The following PPEF1 variants were observed in gnomAD, a reference collection of about 807,000 sequenced individuals.
PPEF1 encodes protein phosphatase with EF-hand domain 1.
PPEF1 carries 12 observed loss-of-function variants against 53.3 expected under a neutral mutation model. That is an observed-to-expected ratio of 0.23 (90% confidence interval 0.14 to 0.36). The LOEUF (loss-of-function observed/expected upper bound fraction) is 0.36. PPEF1 is among the 10% of genes least tolerant of loss of function. The pLI, the probability that PPEF1 is intolerant of heterozygous loss-of-function variation, is 1.00. For synonymous variants in PPEF1, 165 were observed against 176.7 expected (o/e 0.93, Z 0.52); for missense variants, 334 against 490.4 (o/e 0.68, Z 3.01).
chrX:18,793,856 G>A (rs1274531510), intron 10 of PPEF1, among the ~76,000 whole-genome samples: 1 of 111,394 alleles, frequency 9.0e-6, no homozygotes, highest in Non-Finnish European at 1.9e-5. Context: ...GTTTAGTGAA[G>A]TCTATTCCCC....
chrX:18,718,667 A>G (rs988432205), intron 1 of PPEF1, among the ~76,000 whole-genome samples: 7 of 111,992 alleles, frequency 6.3e-5, no homozygotes, highest in African/African-American at 1.3e-4. Flanking sequence ...TGTTTAAATG[A>G]TTTTTACTGG....
intron 4 of PPEF1, among the ~76,000 whole-genome samples, chrX:18,693,909 C>CCAT (rs1929560765): frequency 8.9e-6 from 1 of 111,947 alleles, no homozygotes; most frequent in Admixed American, 9.5e-5. Flanking sequence ...AGCATAACCA[C>CCAT]CATCATCATC....
upstream of PPEF1, among the ~76,000 whole-genome samples, chrX:18,706,915 G>A (rs1171761245): frequency 2.4e-5 from 2 of 85,027 alleles, no homozygotes; most frequent in African/African-American, 4.5e-5. Flanking sequence ...TGCAACCTCC[G>A]CCTCCTGGGT....
At chrX:18,810,588 T>C (rs1349901711) in intron 12 of PPEF1, among the ~76,000 whole-genome samples, 1 of 112,368 alleles carries the variant, frequency 8.9e-6, no homozygotes, top group Non-Finnish European at 1.9e-5. Flanking sequence ...CTCTATGGAT[T>C]TGCCTATTCT....
intron 13 of PPEF1, among the ~76,000 whole-genome samples, chrX:18,821,233 A>C (rs979888508): frequency 1.8e-5 from 2 of 109,594 alleles, no homozygotes; most frequent in African/African-American, 3.3e-5. Flanking sequence ...AAAAAAAAAA[A>C]AAAAAAAGAA....
Position 18,711,754 on chromosome X carries a change from C to CTT in PPEF1, c.46+3944_46+3945dup, listed in dbSNP as rs536021892. On this transcript the variant is annotated intron_variant, in intron 1 of 15. Transcript: ENST00000470157. ...AGTACCAGTGTCTGGATTACTATAG[C>CTT]TTTTTTTTTTTTTTTTTGAGACGGA... Among the ~76,000 whole-genome samples the CTT allele has an allele frequency of 4.5e-3, 404 of 89,153 alleles. 5 individuals are homozygous for CTT. The highest frequency in any genetic ancestry group is 0.013 in the African/African-American group (299 of 23,784). The allele number at this position is 89,153 out of a possible 115,157, so 77.4% of individuals were successfully genotyped here.
intron 6 of PPEF1, among the ~76,000 whole-genome samples, chrX:18,775,006 C>A (rs2147560313): frequency 9.1e-6 from 1 of 110,282 alleles, no homozygotes; most frequent in South Asian, 3.8e-4. Flanking sequence ...TTCATCTGTT[C>A]CTTTTTCCTG....
chrX:18,816,311 CTGT>C (rs973764360), intron 12 of PPEF1, among the ~76,000 whole-genome samples: 8 of 111,282 alleles, frequency 7.2e-5, no homozygotes, highest in Non-Finnish European at 1.3e-4. Context: ...CAAATTTCTT[CTGT>C]TGTTAATTTT....
At chrX:18,821,786 AGAGAGAGAGAGAG>A (rs776580428) in intron 13 of PPEF1, among the ~76,000 whole-genome samples, 1,147 of 103,494 alleles carry the variant, frequency 0.011, 29 homozygotes, top group African/African-American at 0.036. Flanking sequence ...AGAGAGAGAG[AGAGAGAGAGAGAG>A]AGAGAAAACA....
At chrX:18,700,496 T>C (rs1342891283) in intron 6 of PPEF1, 1 of 109,830 alleles carries the variant, frequency 9.1e-6, no homozygotes, top group Non-Finnish European at 1.9e-5. Flanking sequence ...CATAAACATA[T>C]ATCGTGTGGC....
chrX:18,692,584 C>T (rs1032457273), intron 4 of PPEF1, among the ~76,000 whole-genome samples: 42 of 111,759 alleles, frequency 3.8e-4, no homozygotes, highest in Non-Finnish European at 6.2e-4. Context: ...GCTCCTTCTT[C>T]CCCTTCATCC....
upstream of PPEF1, among the ~76,000 whole-genome samples, chrX:18,707,078 C>T (rs1487406144): frequency 2.7e-5 from 3 of 110,160 alleles, no homozygotes; most frequent in Admixed American, 9.7e-5. Context: ...CCGCCCGCCT[C>T]GGCCTCCCAA....
Position 18,827,256 on chromosome X carries a change from C to G in PPEF1, c.1751-20C>G. ...GGGTCTTAAAATGAACACTCACAAC[C>G]TTCTCCTATATTCTTTTAGGCCTGA... is the stretch of plus-strand genomic sequence containing the variant. On this transcript the variant is annotated intron_variant, in intron 15 of 15. Coordinates refer to ENST00000470157, the MANE Select transcript of PPEF1 (RefSeq NM_001377996.1). The G allele has an allele frequency of 8.4e-7, 1 of 1,183,638 alleles. No individual in the cohort carries two copies. The highest frequency in any genetic ancestry group is 1.1e-6 in the Non-Finnish European group (1 of 873,475).
chrX:18,810,488 C>G (rs1482553254), intron 12 of PPEF1, among the ~76,000 whole-genome samples: 1 of 111,379 alleles, frequency 9.0e-6, no homozygotes, highest in Non-Finnish European at 1.9e-5. Flanking sequence ...TTTTTGCCAT[C>G]CTAAAAAGAA....
At chrX:18,759,018 T>C (rs908704582) in intron 5 of PPEF1, among the ~76,000 whole-genome samples, 4 of 110,849 alleles carry the variant, frequency 3.6e-5, no homozygotes, top group African/African-American at 9.8e-5. Context: ...TAAAATCAGG[T>C]CTTCTGTATC....
At chrX:18,785,417 G>A (rs1300095719) in intron 9 of PPEF1, among the ~76,000 whole-genome samples, 1 of 111,398 alleles carries the variant, frequency 9.0e-6, no homozygotes, top group Non-Finnish European at 1.9e-5. Context: ...TCAAAGCAGG[G>A]TAAACCTAAG....
chrX:18,827,192 T>TA, intron 15 of PPEF1, 84 bp from the exon 16 acceptor site: 1 of 758,193 alleles, frequency 1.3e-6, no homozygotes, highest in Non-Finnish European at 2.0e-6. Context: ...TAACTGGGGC[T>TA]ATTTAATCAG....
At chrX:18,708,977 A>G (rs947908105) in intron 1 of PPEF1, among the ~76,000 whole-genome samples, 24 of 111,322 alleles carry the variant, frequency 2.2e-4, no homozygotes, top group African/African-American at 7.2e-4. Flanking sequence ...AGCCAAGTCC[A>G]ACTTGTAAAA....
At chrX:18,713,870 CT>C (rs2044382735) in intron 1 of PPEF1, among the ~76,000 whole-genome samples, 2 of 111,860 alleles carry the variant, frequency 1.8e-5, no homozygotes, top group Non-Finnish European at 3.8e-5. Flanking sequence ...GTTATAAATG[CT>C]TTGCAAACAT....
Sources: allele counts gnomAD v4.1 joint callset (sites outside exome capture counted in the v4.1 genomes callset), GRCh38; gene constraint gnomAD v4.1.1; transcripts MANE v1.5; gene names NCBI Gene and HGNC (gene_info 2026-07-23, HGNC 2026-07-21).